The following SMG6 variants were observed in gnomAD, a reference collection of about 807,000 sequenced individuals.
SMG6 encodes telomerase-binding protein EST1A.
A neutral mutation model predicts 142.2 loss-of-function variants in SMG6; 66 were observed. That is an observed-to-expected ratio of 0.46 (90% CI 0.38 to 0.57). The LOEUF (loss-of-function observed/expected upper bound fraction) is 0.57. Among genes scored for constraint, SMG6 ranks in the 20% least tolerant of loss-of-function variants. The pLI is 0.00. For missense variants in SMG6, 1,793 were observed against 1,832.0 expected (o/e 0.98, Z 0.39); for synonymous variants, 779 against 702.4 (o/e 1.11, Z -1.72).
Position 2,071,637 on chromosome 17 carries a change from G to T in SMG6, c.3682-2706C>A. On this transcript the variant is annotated intron_variant, in intron 15 of 18. Coordinates refer to ENST00000263073, the MANE Select transcript of SMG6 (RefSeq NM_017575.5). This position sits in a 1 kb window ranked among gnomAD's most constrained non-coding sequence, Gnocchi z 5.6. ...CCCTTAACCTGGCTCTGCCCAGTGA[G>T]TCACCAAACAACTGCTTCCTGTTCC... Among the ~76,000 whole-genome samples the T allele has an allele frequency of 6.6e-6, 1 of 152,198 alleles. No individual in the cohort carries two copies. Among genetic ancestry groups the T allele is most frequent in the South Asian group, 2.1e-4 (1 of 4,830 alleles).
chr17:2,205,115 C>G lies in SMG6; in HGVS notation c.2870-16600G>C, dbSNP rs2072639189. ...ACTGAGTCTCGCTTTGTCACCCAGG[C>G]TGGAGTGCAATGGCGCGATCTCAGC... On this transcript the variant is annotated intron_variant, in intron 10 of 18. Transcript: ENST00000263073. Among the ~76,000 whole-genome samples the G allele has an allele frequency of 2.6e-5, 4 of 152,074 alleles. No individual in the cohort carries two copies. The South Asian group carries it at 8.3e-4, about 32-fold the overall frequency.
In SMG6 at chr17:2,272,744, T is replaced by C. The variant is rs539234034; in HGVS notation, c.2661+9903A>G. Among the ~76,000 whole-genome samples the C allele has an allele frequency of 9.9e-4, 151 of 152,082 alleles. 2 individuals are homozygous for C. The highest frequency in any genetic ancestry group is 2.7e-3 in the South Asian group (13 of 4,812). ...ATGAGGTCAAGAAATCGAGACCATC[T>C]TGGCTAACACGGTGAAACCCCATCT... On this transcript the variant is annotated intron_variant, in intron 8 of 18. Transcript: ENST00000263073.
At chr17:2,170,548 T>G (rs1322968588) in intron 13 of SMG6, among the ~76,000 whole-genome samples, 1 of 152,248 alleles carries the variant, frequency 6.6e-6, no homozygotes, top group African/African-American at 2.4e-5. Flanking sequence ...ATAAAACAAC[T>G]TGTTAGCTGT....
chr17:2,279,611 T>C (rs907281340), intron 8 of SMG6, among the ~76,000 whole-genome samples: 1 of 152,180 alleles, frequency 6.6e-6, no homozygotes, highest in African/African-American at 2.4e-5. Flanking sequence ...TGAACTACGA[T>C]GGCAGCAATG....
intron 2 of SMG6, 99 bp downstream of exon 2, chr17:2,298,807 G>A (rs539625623): frequency 1.9e-5 from 21 of 1,097,554 alleles, no homozygotes; most frequent in Non-Finnish European, 2.6e-5. Context: ...ATAATACCCA[G>A]TGGCTCAGCT....
chr17:2,238,642 C>G (rs536446487), intron 9 of SMG6, among the ~76,000 whole-genome samples: 1 of 152,252 alleles, frequency 6.6e-6, no homozygotes, highest in African/African-American at 2.4e-5. Flanking sequence ...CAGTAGAGAG[C>G]CAGCACAGAA....
chr17:2,207,612 T>C (rs571434224), intron 10 of SMG6, among the ~76,000 whole-genome samples: 1 of 152,112 alleles, frequency 6.6e-6, no homozygotes, highest in Non-Finnish European at 1.5e-5. Flanking sequence ...AAAATATCTA[T>C]AATTAAATAT....
At chr17:2,121,724 T>A (rs984192234) in intron 13 of SMG6, among the ~76,000 whole-genome samples, 5 of 151,762 alleles carry the variant, frequency 3.3e-5, no homozygotes, top group Admixed American at 6.6e-5. Context: ...CCTCCTGGGC[T>A]ACTAAAGCAG....
At chr17:2,282,144 G>A (rs554443100) in intron 8 of SMG6, among the ~76,000 whole-genome samples, 1 of 152,242 alleles carries the variant, frequency 6.6e-6, no homozygotes, top group South Asian at 2.1e-4. Context: ...CAATGAAGAG[G>A]AGAAATCTTC....
At chr17:2,075,087 C>T (rs1421367773) in intron 15 of SMG6, among the ~76,000 whole-genome samples, 1 of 152,204 alleles carries the variant, frequency 6.6e-6, no homozygotes, top group East Asian at 1.9e-4. Flanking sequence ...AACGTGCCCC[C>T]GGCCTGGTGC....
intron 13 of SMG6, among the ~76,000 whole-genome samples, chr17:2,112,148 T>G (rs192987471): frequency 4.6e-5 from 7 of 151,988 alleles, no homozygotes; most frequent in Admixed American, 4.6e-4. Context: ...AAAGGAGGTA[T>G]CTTTACAATT....
chr17:2,124,310 G>A (rs2069800140), intron 13 of SMG6, among the ~76,000 whole-genome samples: 2 of 152,194 alleles, frequency 1.3e-5, no homozygotes, highest in Admixed American at 6.5e-5. Flanking sequence ...CAGGCCACAG[G>A]GCAGTAAGGT....
At chr17:2,282,390 CAAAAAAAAAA>C (rs576759563) in intron 8 of SMG6, among the ~76,000 whole-genome samples, 1 of 84,526 alleles carries the variant, frequency 1.2e-5, no homozygotes, top group African/African-American at 4.4e-5. Context: ...CAAAAAGCAG[CAAAAAAAAAA>C]AAAAAAAAAA....
At chr17:2,241,177 T>G (rs2073792065) in intron 9 of SMG6, among the ~76,000 whole-genome samples, 1 of 152,188 alleles carries the variant, frequency 6.6e-6, no homozygotes, top group African/African-American at 2.4e-5. Flanking sequence ...TGGGCTGGCT[T>G]TACCTTTTTG....
chr17:2,172,278 G>A (rs1038514161), intron 13 of SMG6, among the ~76,000 whole-genome samples: 1 of 150,864 alleles, frequency 6.6e-6, no homozygotes, highest in Non-Finnish European at 1.5e-5. Flanking sequence ...AGCCCTGGCT[G>A]TTTTCCTAGT....
chr17:2,062,534 CCT>C (rs1336562552), intron 18 of SMG6: 5 of 151,200 alleles, frequency 3.3e-5, no homozygotes, highest in South Asian at 2.1e-4. Flanking sequence ...CTCTCCACTA[CCT>C]CTCTTTCCCT....
chr17:2,105,459 C>T (rs2069130988), intron 13 of SMG6, among the ~76,000 whole-genome samples: 1 of 152,078 alleles, frequency 6.6e-6, no homozygotes, highest in Non-Finnish European at 1.5e-5. Flanking sequence ...GGCAGAATTG[C>T]TTGAACTTGG....
chr17:2,117,250 C>T (rs749039934), intron 13 of SMG6, among the ~76,000 whole-genome samples: 16 of 151,776 alleles, frequency 1.1e-4, no homozygotes, highest in Non-Finnish European at 2.1e-4. Flanking sequence ...ATACGTGGTC[C>T]TAGCAAGGAT....
rs750231654 is a variant in SMG6, at chr17:2,299,989, C to T, written c.764G>A (p.Arg255His). The change falls in exon 2 of 19, where the codon CGC becomes CAC. Residue 255 changes from arginine to histidine, a missense_variant. Transcript: ENST00000263073. This position sits in a 1 kb window ranked among gnomAD's most constrained non-coding sequence, Gnocchi z 4.3. ...GCCAGCTGAGCTGGTGCTGCGCGTG[C>T]GGTAGCGATTCCTTCGTTTGTCTGA... ...SRSDKRRNRY[R>H]TRSTSSAGSN... 5.1e-5 allele frequency: 83 copies of T among 1,613,964 alleles called. No individual in the cohort carries two copies. The highest frequency in any genetic ancestry group is 2.0e-4 in the South Asian group (18 of 91,092).
Sources: allele counts gnomAD v4.1 joint callset (sites outside exome capture counted in the v4.1 genomes callset), GRCh38; gene constraint gnomAD v4.1.1; non-coding constraint Gnocchi (gnomAD v3.1); transcripts MANE v1.5; gene names NCBI Gene and HGNC (gene_info 2026-07-23, HGNC 2026-07-21).